The following KIF24 variants were observed in gnomAD, a reference collection of about 807,000 sequenced individuals.
The protein encoded by KIF24 is kinesin-like protein KIF24.
KIF24 carries 81 observed loss-of-function variants against 118.9 expected under a neutral mutation model. The observed-to-expected ratio is 0.68, with a 90% CI of 0.57 to 0.82. KIF24 has a LOEUF of 0.82. Among genes scored for constraint, KIF24 ranks in the 40% least tolerant of loss-of-function variants. The pLI is 0.00. For missense variants in KIF24, 1,560 were observed against 1,661.6 expected (o/e 0.94, Z 1.06); for synonymous variants, 599 against 610.0 (o/e 0.98, Z 0.27).
chr9:34,255,168 G>A lies in KIF24; in HGVS notation c.3873-3C>T. 1 of 1,551,078 alleles carries A rather than the reference G, an allele frequency of 6.4e-7. No individual in the cohort carries two copies. Among genetic ancestry groups the A allele is most frequent in the Non-Finnish European group, 8.8e-7 (1 of 1,138,938 alleles). ...GGTGTGCTCGGATGACCACCTGCCT[G>A]GGAACACCAGAGAGAACACTGTGAT... On this transcript the variant is annotated splice_polypyrimidine_tract_variant and splice_region_variant and intron_variant, in intron 11 of 12. Coordinates refer to ENST00000402558, the MANE Select transcript of KIF24 (RefSeq NM_194313.4).
At chr9:34,317,926 G>A (rs1298991309) in intron 1 of KIF24, among the ~76,000 whole-genome samples, 1 of 152,064 alleles carries the variant, frequency 6.6e-6, no homozygotes, top group Non-Finnish European at 1.5e-5. Context: ...CATCCACCGG[G>A]GGTCTTGGAA....
At chr9:34,281,453 T>C (rs1835848073) in intron 6 of KIF24, among the ~76,000 whole-genome samples, 1 of 152,260 alleles carries the variant, frequency 6.6e-6, no homozygotes, top group African/African-American at 2.4e-5. Flanking sequence ...AGCTATGTGA[T>C]TCTGGGTTAT....
chr9:34,307,860 G>GAAAAAAAAAAAAA (rs57149308), intron 2 of KIF24, among the ~76,000 whole-genome samples: 7 of 113,984 alleles, frequency 6.1e-5, no homozygotes, highest in African/African-American at 1.4e-4. Flanking sequence ...GACTCTGTCT[G>GAAAAAAAAAAAAA]AAAAAAAAAA....
chr9:34,322,423 A>G (rs1481443248), intron 1 of KIF24, among the ~76,000 whole-genome samples: 1 of 152,004 alleles, frequency 6.6e-6, no homozygotes, highest in Non-Finnish European at 1.5e-5. Flanking sequence ...GGCTGGTCTC[A>G]AACTCCTGAG....
At chr9:34,326,423 G>T (rs1305316368) in intron 1 of KIF24, among the ~76,000 whole-genome samples, 2 of 152,182 alleles carry the variant, frequency 1.3e-5, no homozygotes, top group Non-Finnish European at 2.9e-5. Context: ...TTAATGGGAA[G>T]AGATAATTAA....
intron 8 of KIF24, 94 bp from the exon 9 acceptor site, chr9:34,263,266 A>G: frequency 1.2e-6 from 1 of 854,826 alleles, no homozygotes. Context: ...TTTTTCTTCA[A>G]TAAACCACAC....
chr9:34,257,254 G>A lies in KIF24; in HGVS notation c.2353C>T (p.Pro785Ser). 6.2e-7 allele frequency: 1 copy of A among 1,614,068 alleles called. No individual in the cohort carries two copies. Among genetic ancestry groups the A allele is most frequent in the Non-Finnish European group, 8.5e-7 (1 of 1,179,916 alleles). The change falls in exon 11 of 13, where the codon CCA becomes TCA. Residue 785 changes from proline to serine, a missense_variant. Pro to Ser is a moderately conservative substitution (Grantham distance 74, BLOSUM62 -1). Transcript: ENST00000402558. ...PLLQQKLKYQ[P>S]LKRSLRQYRP... ...TACTGGCGTAAAGACCTTTTCAGTG[G>A]TTGGTATTTTAACTTCTGTTGGAGG...
intron 6 of KIF24, among the ~76,000 whole-genome samples, chr9:34,283,047 C>T (rs1232664090): frequency 6.2e-5 from 6 of 97,176 alleles, no homozygotes; most frequent in South Asian, 4.5e-4. Context: ...AGCAAAACTC[C>T]GTCTCAAAAA....
At position 34,257,330 on chromosome 9, in the gene KIF24, C is replaced by G; in HGVS notation, c.2277G>C (p.Glu759Asp). The change falls in exon 11 of 13, where the codon GAG becomes GAC. Residue 759 changes from glutamate to aspartate, a missense_variant. This residue lies in a region of KIF24 where 964 missense variants were observed against 988.0 expected (regional missense o/e 0.98). Coordinates refer to ENST00000402558, the MANE Select transcript of KIF24 (RefSeq NM_194313.4). Reference protein sequence around the residue: ...AWTNIPPHQKEREEHLRFYHQ... With the variant: ...AWTNIPPHQKDREEHLRFYHQ... ...GATAGAAACGCAGATGTTCCTCCCT[C>G]TCCTTCTGATGTGGCGGGATGTTTG... 2.0e-5 allele frequency: 32 copies of G among 1,614,096 alleles called. No homozygotes were observed. The highest frequency in any genetic ancestry group is 2.7e-5 in the Non-Finnish European group (32 of 1,179,912).
At chr9:34,315,866 T>C (rs1837310988) in intron 1 of KIF24, among the ~76,000 whole-genome samples, 1 of 151,030 alleles carries the variant, frequency 6.6e-6, no homozygotes, top group Non-Finnish European at 1.5e-5. Context: ...CTGTCTCTAC[T>C]AAAAACGCAA....
At chr9:34,308,774 G>GT (rs981132223) in intron 2 of KIF24, among the ~76,000 whole-genome samples, 5 of 152,136 alleles carry the variant, frequency 3.3e-5, no homozygotes, top group African/African-American at 4.8e-5. Context: ...AGACATGCAT[G>GT]TTTTTTTAAA....
chr9:34,317,196 C>G (rs970427655), intron 1 of KIF24, among the ~76,000 whole-genome samples: 1 of 148,320 alleles, frequency 6.7e-6, no homozygotes, highest in Non-Finnish European at 1.5e-5. Context: ...CCAGTCTGGG[C>G]AACAAGAGTG....
intron 3 of KIF24, among the ~76,000 whole-genome samples, chr9:34,299,751 AC>A (rs1836622810): frequency 6.6e-6 from 1 of 151,606 alleles, no homozygotes; most frequent in Non-Finnish European, 1.5e-5. Flanking sequence ...TTCATATAAA[AC>A]TAACATGCAA....
chr9:34,303,460 C>T (rs550689580), intron 3 of KIF24, among the ~76,000 whole-genome samples: 3 of 152,224 alleles, frequency 2.0e-5, no homozygotes, highest in South Asian at 2.1e-4. Context: ...AATAGCTTTC[C>T]TAGTACTGAA....
chr9:34,321,598 T>G (rs35142803), intron 1 of KIF24, among the ~76,000 whole-genome samples: 37,946 of 131,526 alleles, frequency 0.29, 6,333 homozygotes, highest in South Asian at 0.5. Flanking sequence ...ACATACATAC[T>G]TCTTCTTTTT....
At chr9:34,331,674 A>G (rs72733125), upstream of KIF24, among the ~76,000 whole-genome samples, 18,681 of 152,232 alleles carry the variant, frequency 0.12, 1,495 homozygotes, top group Non-Finnish European at 0.18. Flanking sequence ...AGGAGAAAAA[A>G]ATTGTTTTAA....
At chr9:34,309,146 A>G (rs1837043402) in intron 2 of KIF24, among the ~76,000 whole-genome samples, 1 of 152,192 alleles carries the variant, frequency 6.6e-6, no homozygotes, top group Admixed American at 6.5e-5. Flanking sequence ...TGGTTAAACT[A>G]AAATATCCAT....
chr9:34,265,756 TA>T (rs1835261189), intron 8 of KIF24, among the ~76,000 whole-genome samples: 1 of 152,074 alleles, frequency 6.6e-6, no homozygotes, highest in African/African-American at 2.4e-5. Flanking sequence ...GTAGAGCAAA[TA>T]AATGTTGCTA....
rs1194372737 is a variant in KIF24, at chr9:34,253,600, A to T, written c.*780T>A. 6.6e-6 allele frequency: 1 copy of T among 152,228 alleles called. No individual in the cohort carries two copies. Among genetic ancestry groups the T allele is most frequent in the Non-Finnish European group, 1.5e-5 (1 of 68,118 alleles). 9.4% of individuals were successfully genotyped at this position (152,228 alleles called of 1,614,324 possible). ...TGGGTAGTGAGGTGTCCCAGATAGG[A>T]GCCAGGAGCTGCCATGGAAGCATGA... On this transcript the variant is annotated 3_prime_UTR_variant, in exon 13 of 13. Transcript: ENST00000402558.
Sources: allele counts gnomAD v4.1 joint callset (sites outside exome capture counted in the v4.1 genomes callset), GRCh38; gene constraint gnomAD v4.1.1; regional missense constraint gnomAD v4.1.1; transcripts MANE v1.5; gene names NCBI Gene and HGNC (gene_info 2026-07-23, HGNC 2026-07-21).